Variants in ADGRG6 observed in about 807,000 individuals in gnomAD.
The protein encoded by ADGRG6 is adhesion G protein-coupled receptor G6, also known as G-protein coupled receptor 126.
ADGRG6 carries 84 observed loss-of-function variants against 142.4 expected under a neutral mutation model. The observed-to-expected ratio is 0.59, with a 90% CI of 0.49 to 0.71. The LOEUF (loss-of-function observed/expected upper bound fraction) is 0.71, where lower values mean the gene tolerates loss of function less well. ADGRG6 is among the 30% of genes least tolerant of loss of function. ADGRG6 has a pLI of 0.00. For synonymous variants in ADGRG6, 521 were observed against 520.5 expected (o/e 1.00, Z -0.01); for missense variants, 1,367 against 1,466.6 (o/e 0.93, Z 1.11).
intron 2 of ADGRG6, among the ~76,000 whole-genome samples, chr6:142,322,197 C>T (rs1778551328): frequency 6.6e-6 from 1 of 152,098 alleles, no homozygotes; most frequent in East Asian, 1.9e-4. Flanking sequence ...CCCAGTAGTC[C>T]TAGACCAGTC....
At chr6:142,366,353 T>C (rs1279528305) in intron 2 of ADGRG6, among the ~76,000 whole-genome samples, 1 of 152,126 alleles carries the variant, frequency 6.6e-6, no homozygotes, top group Non-Finnish European at 1.5e-5. Context: ...GAAAAACCAA[T>C]GTTCATTTAC....
Position 142,302,489 on chromosome 6 carries a change from G to T in ADGRG6, c.2+158G>T, listed in dbSNP as rs1159890794. The stretch of plus-strand genomic sequence containing the variant: ...CCGGTTTGTCTTCAGTTTGCCCCTC[G>T]AGGCACTGAGGAGTAGGACTATTGC... On this transcript the variant is annotated intron_variant, in intron 1 of 24. Transcript: ENST00000367609. The T allele has an allele frequency of 7.3e-6, 5 of 687,010 alleles. No homozygotes were observed. In the Admixed American group the frequency reaches 1.5e-4, roughly 20 times the overall value. The allele number at this position is 687,010 out of a possible 1,614,324, so 42.6% of individuals were successfully genotyped here.
chr6:142,441,417 T>C (rs946627633), intron 24 of ADGRG6, among the ~76,000 whole-genome samples: 1 of 152,174 alleles, frequency 6.6e-6, no homozygotes, highest in African/African-American at 2.4e-5. Flanking sequence ...GGTCAAATAA[T>C]AGTTCATATC....
At chr6:142,351,855 A>G (rs1780194476) in intron 2 of ADGRG6, among the ~76,000 whole-genome samples, 1 of 152,162 alleles carries the variant, frequency 6.6e-6, no homozygotes. Flanking sequence ...AGCAAAAAAC[A>G]ACCCCGTTAT....
intron 4 of ADGRG6, among the ~76,000 whole-genome samples, chr6:142,377,334 C>G (rs566106703): frequency 1.3e-5 from 2 of 152,210 alleles, no homozygotes; most frequent in African/African-American, 4.8e-5. Flanking sequence ...CCCAGGTCCC[C>G]ACAGGAGCTG....
At chr6:142,359,893 A>G (rs1780633839) in intron 2 of ADGRG6, among the ~76,000 whole-genome samples, 1 of 152,152 alleles carries the variant, frequency 6.6e-6, no homozygotes, top group Non-Finnish European at 1.5e-5. Context: ...GGTAGAGAAA[A>G]CTTACCTTCA....
chr6:142,369,393 T>C (rs552849260), intron 3 of ADGRG6, among the ~76,000 whole-genome samples: 17 of 152,344 alleles, frequency 1.1e-4, no homozygotes, highest in Non-Finnish European at 2.5e-4. Flanking sequence ...TAATTCTTAT[T>C]GACCATATAT....
intron 22 of ADGRG6, among the ~76,000 whole-genome samples, chr6:142,428,950 T>A (rs545714939): frequency 2.0e-4 from 31 of 152,296 alleles, no homozygotes; most frequent in Admixed American, 6.5e-4. Flanking sequence ...GAATTACATG[T>A]CTATCTGCTT....
intron 2 of ADGRG6, among the ~76,000 whole-genome samples, chr6:142,341,522 T>TTA: frequency 8.5e-6 from 1 of 118,194 alleles, no homozygotes; most frequent in Non-Finnish European, 1.7e-5. Context: ...CTACATAATA[T>TTA]TATATAGTAT....
intron 9 of ADGRG6, among the ~76,000 whole-genome samples, chr6:142,394,250 T>G (rs950885813): frequency 4.6e-5 from 7 of 152,196 alleles, no homozygotes; most frequent in African/African-American, 1.7e-4. Flanking sequence ...GCCTCTTACT[T>G]GAAATTGCAA....
intron 2 of ADGRG6, among the ~76,000 whole-genome samples, chr6:142,317,924 T>A (rs1392783087): frequency 1.4e-5 from 1 of 73,896 alleles, no homozygotes; most frequent in East Asian, 4.0e-4. Context: ...ATATTTATAT[T>A]ATATATTTAT....
rs892007926 is a variant in ADGRG6, at chr6:142,338,027, T to TTTTTTTTTTTTTTTTTTTG, written c.103+28394_103+28395insTTTTTTTGTTTTTTTTTTT. On this transcript the variant is annotated intron_variant, in intron 2 of 24. Coordinates refer to ENST00000367609, the MANE Select transcript of ADGRG6 (RefSeq NM_198569.3). The stretch of plus-strand genomic sequence containing the variant: ...ATGCCTTGTATCTTTGTTTTTTTTT[T>TTTTTTTTTTTTTTTTTTTG]TTTTTTTTTTTGAGACGGAGTCTCG... Among the ~76,000 whole-genome samples the TTTTTTTTTTTTTTTTTTTG allele has an allele frequency of 1.0e-4, 6 of 58,016 alleles. 1 individual carries two copies. Among genetic ancestry groups the TTTTTTTTTTTTTTTTTTTG allele is most frequent in the South Asian group, 7.6e-4 (1 of 1,324 alleles). 38.1% of individuals were successfully genotyped at this position (58,016 alleles called of 152,430 possible). A position where few individuals can be genotyped will look rare whatever the true frequency, so the allele number is the denominator to read the frequency against.
At position 142,380,923 on chromosome 6, in the gene ADGRG6, G is replaced by A. The variant is rs1226885747; in HGVS notation, c.1070-1028G>A. ...ATGTTTGTTGAGTGAATGTGTAAAGGTCTGTGACAAGAGCTTCTTGCCAGT... is the reference window on the plus strand; with the variant it reads ...ATGTTTGTTGAGTGAATGTGTAAAGATCTGTGACAAGAGCTTCTTGCCAGT... On this transcript the variant is annotated intron_variant, in intron 4 of 24. Coordinates refer to ENST00000367609, the MANE Select transcript of ADGRG6 (RefSeq NM_198569.3). Among the ~76,000 whole-genome samples the A allele has an allele frequency of 4.6e-5, 7 of 152,182 alleles. 1 individual carries two copies. In the East Asian group the frequency reaches 1.3e-3, roughly 29 times the overall value.
chr6:142,408,526 A>G (rs1186390644), intron 16 of ADGRG6, among the ~76,000 whole-genome samples: 1 of 152,126 alleles, frequency 6.6e-6, no homozygotes, highest in Non-Finnish European at 1.5e-5. Context: ...TATTTTTCAG[A>G]TATAACATAT....
intron 2 of ADGRG6, 127 bp from the exon 3 acceptor site, chr6:142,367,442 T>G: frequency 9.4e-6 from 6 of 635,874 alleles, no homozygotes; most frequent in Non-Finnish European, 1.6e-5. Flanking sequence ...CCATTTATTT[T>G]TTATGATTGT....
intron 1 of ADGRG6, among the ~76,000 whole-genome samples, chr6:142,303,020 C>A (rs899003724): frequency 6.6e-6 from 1 of 152,114 alleles, no homozygotes; most frequent in Non-Finnish European, 1.5e-5. Flanking sequence ...GGTGAGGTGG[C>A]GCACAGCGAC....
chr6:142,439,866 CTTA>C (rs1215356978), intron 24 of ADGRG6, among the ~76,000 whole-genome samples: 2 of 152,302 alleles, frequency 1.3e-5, no homozygotes, highest in African/African-American at 4.8e-5. Flanking sequence ...GATTATTCTA[CTTA>C]TTTGGTGGTT....
At chr6:142,303,724 C>T (rs1777342910) in intron 1 of ADGRG6, among the ~76,000 whole-genome samples, 1 of 152,006 alleles carries the variant, frequency 6.6e-6, no homozygotes, top group Non-Finnish European at 1.5e-5. Flanking sequence ...CAGGTATTTG[C>T]CCAGTTTTTT....
chr6:142,330,051 C>A lies in ADGRG6; in HGVS notation c.103+20407C>A, dbSNP rs74683106. Among the ~76,000 whole-genome samples the A allele has an allele frequency of 0.032, 4,898 of 151,992 alleles. 422 individuals carry two copies. The East Asian group carries it at 0.35, about 11-fold the overall frequency. ...TCTGCTGGAAGAAATTTTTCATTTG[C>A]CACTGCAATTTTTTTTTTTTGCCAC... On this transcript the variant is annotated intron_variant, in intron 2 of 24. Transcript: ENST00000367609.
Sources: allele counts gnomAD v4.1 joint callset (sites outside exome capture counted in the v4.1 genomes callset), GRCh38; gene constraint gnomAD v4.1.1; transcripts MANE v1.5; gene names NCBI Gene and HGNC (gene_info 2026-07-23, HGNC 2026-07-21).